The following MMP10 variants were observed in gnomAD, a reference collection of about 807,000 sequenced individuals.
MMP10 encodes stromelysin-2.
Under a neutral mutation model 49.1 loss-of-function variants are expected in MMP10, and 50 were observed. That is an observed-to-expected ratio of 1.02 (90% CI 0.81 to 1.29). The LOEUF (loss-of-function observed/expected upper bound fraction) is 1.29. Among genes scored for constraint, MMP10 ranks in the 50% most tolerant of loss-of-function variants. The pLI is 0.00. For synonymous variants in MMP10, 229 were observed against 201.6 expected, an observed-to-expected ratio of 1.14 and a Z score of -1.15; for missense variants, 613 against 563.8, an observed-to-expected ratio of 1.09 and a Z score of -0.88.
chr11:102,775,349 G>T, intron 6 of MMP10, 28 bp from the exon 7 acceptor site: 1 of 1,554,872 alleles, frequency 6.4e-7, no homozygotes, highest in Admixed American at 1.9e-5. Flanking sequence ...ACTTGCAATT[G>T]TCTTTCTCTT....
chr11:102,771,727 C>T (rs1197775622), intron 9 of MMP10, among the ~76,000 whole-genome samples: 2 of 151,836 alleles, frequency 1.3e-5, no homozygotes, highest in African/African-American at 4.8e-5. Flanking sequence ...ACATAGTGAC[C>T]TGAAAGATAA....
Position 102,772,778 on chromosome 11 carries a change from A to G in MMP10, c.1226+69T>C. 6.6e-7 allele frequency: 1 copy of G among 1,518,396 alleles called. No individual in the cohort carries two copies. Among genetic ancestry groups the G allele is most frequent in the Non-Finnish European group, 8.9e-7 (1 of 1,121,938 alleles). 94.1% of individuals were successfully genotyped at this position (1,518,396 alleles called of 1,614,324 possible). ...TAGAGGGTGGGTGTAGGGTAGGGAAATATCCTTAAAGAAAGAAAATAATTT... is the reference window on the plus strand; with the variant it reads ...TAGAGGGTGGGTGTAGGGTAGGGAAGTATCCTTAAAGAAAGAAAATAATTT... On this transcript the variant is annotated intron_variant, in intron 8 of 9. Coordinates refer to ENST00000279441, the MANE Select transcript of MMP10 (RefSeq NM_002425.3). This position sits in a 1 kb window ranked among gnomAD's most constrained non-coding sequence, Gnocchi z 4.4.
At chr11:102,771,922 T>C (rs1234636385) in intron 9 of MMP10, 90 bp downstream of exon 9, 3 of 834,032 alleles carry the variant, frequency 3.6e-6, no homozygotes, top group East Asian at 2.6e-5. Flanking sequence ...GACTGAATGA[T>C]TTAAAAACTG....
Position 102,772,819 on chromosome 11 carries a change from A to G in MMP10, c.1226+28T>C. ...AAAATAATTTTCTTAATCAGGCTTC[A>G]TAGAAAGTCATTTCTCTTGCATCTC... On this transcript the variant is annotated intron_variant, in intron 8 of 9. Coordinates refer to ENST00000279441, the MANE Select transcript of MMP10 (RefSeq NM_002425.3). This position sits in a 1 kb window ranked among gnomAD's most constrained non-coding sequence, Gnocchi z 4.4. 6.3e-7 allele frequency: 1 copy of G among 1,599,860 alleles called. No individual in the cohort carries two copies. Among genetic ancestry groups the G allele is most frequent in the Non-Finnish European group, 8.5e-7 (1 of 1,173,266 alleles).
At position 102,772,949 on chromosome 11, in the gene MMP10, A is replaced by T; in HGVS notation, c.1124T>A (p.Ile375Asn). The T allele has an allele frequency of 6.2e-7, 1 of 1,613,788 alleles. No individual in the cohort carries two copies. The highest frequency in any genetic ancestry group is 8.5e-7 in the Non-Finnish European group (1 of 1,179,798). Reference sequence around the variant, plus strand: ...GGTTGGAGGAAAACCCAGGGTATGGATGCCTCTTGGATAACCTGCTTGTAC... The same window carrying T: ...GGTTGGAGGAAAACCCAGGGTATGGTTGCCTCTTGGATAACCTGCTTGTAC... The part of the protein sequence containing the change: ...NEVQAGYPRG[I>N]HTLGFPPTIR... Residue 375 changes from isoleucine (I) to asparagine (N), a missense_variant, in exon 8 of 10, where the codon ATC becomes AAC. Physicochemically the swap from Ile to Asn is moderately radical, Grantham distance 149 (BLOSUM62 -3). Coordinates refer to ENST00000279441, the MANE Select transcript of MMP10 (RefSeq NM_002425.3). The surrounding 1 kb of genome is among the most constrained non-coding windows in gnomAD (Gnocchi z 4.4).
intron 9 of MMP10, among the ~76,000 whole-genome samples, chr11:102,771,477 A>T (rs1490857181): frequency 3.3e-5 from 5 of 152,214 alleles, no homozygotes; most frequent in Non-Finnish European, 5.9e-5. Flanking sequence ...AGTAATCAAG[A>T]ACAAGTTTTG....
At chr11:102,770,985 A>G (rs1861970388) in intron 9 of MMP10, 92 bp from the exon 10 acceptor site, 2 of 819,230 alleles carry the variant, frequency 2.4e-6, no homozygotes, top group African/African-American at 3.5e-5. Context: ...TTAATAATGG[A>G]GGGCATTTAT....
At chr11:102,773,153 C>T in intron 7 of MMP10, 147 bp from the exon 8 acceptor site, 1 of 572,872 alleles carries the variant, frequency 1.7e-6, no homozygotes, top group South Asian at 3.4e-5. Flanking sequence ...ATAAATACTC[C>T]CTGAATGAGC....
intron 9 of MMP10, 76 bp downstream of exon 9, chr11:102,771,936 T>G: frequency 1.1e-6 from 1 of 931,818 alleles, no homozygotes; most frequent in South Asian, 1.4e-5. Flanking sequence ...AAAACTGTTT[T>G]GATTCTGCAC....
chr11:102,776,175 C>T (rs1336230788), intron 6 of MMP10, 105 bp downstream of exon 6: 10 of 983,410 alleles, frequency 1.0e-5, no homozygotes, highest in Non-Finnish European at 1.5e-5. Flanking sequence ...GCACATGTAC[C>T]CCTGAACCTA....
intron 1 of MMP10, 63 bp downstream of exon 1, chr11:102,780,424 T>C: frequency 4.4e-6 from 6 of 1,368,178 alleles, no homozygotes; most frequent in Non-Finnish European, 6.2e-6. Context: ...TGCTTTGTAT[T>C]GGAAGACCAA....
At position 102,775,181 on chromosome 11, in the gene MMP10, T is replaced by C. The variant is rs1048550506; in HGVS notation, c.1066+7A>G. 1.9e-6 allele frequency: 3 copies of C among 1,584,146 alleles called. No homozygotes were observed. The highest frequency in any genetic ancestry group is 1.7e-4 in the Middle Eastern group (1 of 5,910). On this transcript the variant is annotated splice_region_variant and intron_variant, in intron 7 of 9. Coordinates refer to ENST00000279441, the MANE Select transcript of MMP10 (RefSeq NM_002425.3). ...CCAGCAAGTTGAAATTCTTATATAG[T>C]ACTCACCTTTAAAAATAAAAACGGT... is the stretch of plus-strand genomic sequence containing the variant.
chr11:102,779,239 T>C lies in MMP10; in HGVS notation c.470A>G (p.Asp157Gly). The C allele has an allele frequency of 6.2e-7, 1 of 1,613,656 alleles. No homozygotes were observed. The highest frequency in any genetic ancestry group is 1.1e-5 in the South Asian group (1 of 91,030). The change falls in exon 3 of 10, where the codon GAT (aspartate) becomes GGT (glycine). Residue 157 changes from aspartate to glycine, a missense_variant. Physicochemically the swap from Asp to Gly is moderately conservative, Grantham distance 94. Coordinates refer to ENST00000279441, the MANE Select transcript of MMP10 (RefSeq NM_002425.3). ...TFSRLYEGEA[D>G]IMISFAVKEH... is the part of the protein sequence containing the mutation. ...TTTAACTGCAAAAGAGATCATTATA[T>C]CAGCCTCTCCTTCATACAGCCTGGA... is the stretch of plus-strand genomic sequence containing the variant.
chr11:102,778,844 G>T (rs1857783367), intron 3 of MMP10, 95 bp from the exon 4 acceptor site: 4 of 1,424,004 alleles, frequency 2.8e-6, no homozygotes, highest in South Asian at 1.2e-5. Flanking sequence ...TCTGAATGTT[G>T]GTGTCTGCTG....
Position 102,776,605 on chromosome 11 carries a change from C to T in MMP10, c.787+7G>A. On this transcript the variant is annotated splice_region_variant and intron_variant, in intron 5 of 9. Coordinates refer to ENST00000279441, the MANE Select transcript of MMP10 (RefSeq NM_002425.3). Reference sequence around the variant, plus strand: ...CTGCAATGCCTAATTTTTCCAGCATCACTCACCGTAGAGAGACTGAATGCC... The same window carrying T: ...CTGCAATGCCTAATTTTTCCAGCATTACTCACCGTAGAGAGACTGAATGCC... 6.2e-7 allele frequency: 1 copy of T among 1,603,686 alleles called. No individual in the cohort carries two copies. Among genetic ancestry groups the T allele is most frequent in the East Asian group, 2.2e-5 (1 of 44,836 alleles).
Position 102,779,522 on chromosome 11 carries a change from T to C in MMP10, c.329A>G (p.Lys110Arg). 1 of 1,614,122 alleles carries C rather than the reference T, an allele frequency of 6.2e-7. No homozygotes were observed. The highest frequency in any genetic ancestry group is 8.5e-7 in the Non-Finnish European group (1 of 1,180,022). The change falls in exon 2 of 10, where the codon AAA becomes AGA. Residue 110 changes from lysine to arginine, a missense_variant. Lys to Arg is a conservative substitution (Grantham distance 26). Transcript: ENST00000279441. ...SSFPGMPKWRKTHLTYRIVNY... is the reference protein window; with the variant it reads ...SSFPGMPKWRRTHLTYRIVNY... The stretch of plus-strand genomic sequence containing the variant: ...CCATTACCTGTATGTAAGGTGGGTT[T>C]TCCTCCACTTCGGCATGCCAGGAAA...
Position 102,779,670 on chromosome 11 carries a change from T to A in MMP10, c.181A>T (p.Lys61Ter), listed in dbSNP as rs768340896. The change falls in exon 2 of 10, where the codon AAA becomes TAA. Residue 61 changes from lysine to a stop codon, truncating the protein, a stop_gained. Coordinates refer to ENST00000279441, the MANE Select transcript of MMP10 (RefSeq NM_002425.3). LOFTEE classifies it high-confidence loss of function. ...FRRKDSNLIV[K>*]KIQGMQKFLG... ...AACTTCTGCATTCCTTGGATTTTTT[T>A]AACAATGAGATTACTGTCCTTTCTT... 19 of 1,614,028 alleles carry A rather than the reference T, an allele frequency of 1.2e-5. No homozygotes were observed. Among genetic ancestry groups the A allele is most frequent in the Admixed American group, 1.7e-5 (1 of 59,936 alleles).
intron 3 of MMP10, 92 bp downstream of exon 3, chr11:102,779,121 C>A: frequency 1.3e-6 from 2 of 1,523,696 alleles, no homozygotes; most frequent in East Asian, 2.3e-5. Flanking sequence ...CAATAAATTT[C>A]TGTTGTTTAT....
chr11:102,774,232 A>G (rs1458503743), intron 7 of MMP10, among the ~76,000 whole-genome samples: 1 of 152,210 alleles, frequency 6.6e-6, no homozygotes, highest in Non-Finnish European at 1.5e-5. Context: ...ATTTATAGGT[A>G]TAAATGCTTG....
Sources: allele counts gnomAD v4.1 joint callset (sites outside exome capture counted in the v4.1 genomes callset), GRCh38; gene constraint gnomAD v4.1.1; non-coding constraint Gnocchi (gnomAD v3.1); transcripts MANE v1.5; gene names NCBI Gene and HGNC (gene_info 2026-07-23, HGNC 2026-07-21).